The following NTM variants were observed in gnomAD, a reference collection of about 807,000 sequenced individuals.
NTM encodes the protein IgLON family member 2.
Under a neutral mutation model 42.1 loss-of-function variants are expected in NTM, and 13 were observed. The observed-to-expected ratio is 0.31, with a 90% CI of 0.20 to 0.49. The LOEUF is 0.49. Ranked by LOEUF, NTM falls within the 20% of genes least tolerant of loss-of-function variation. NTM has a pLI of 0.99. For synonymous variants in NTM, 187 were observed against 179.2 expected, an observed-to-expected ratio of 1.04 and a Z score of -0.35; for missense variants, 373 against 452.8, an observed-to-expected ratio of 0.82 and a Z score of 1.60.
chr11:131,682,528 C>A (rs1041239351), intron 1 of NTM, among the ~76,000 whole-genome samples: 17 of 152,344 alleles, frequency 1.1e-4, no homozygotes, highest in African/African-American at 3.8e-4. Context: ...CTCTCCTCTG[C>A]CAGCCTGCTC....
intron 1 of NTM, among the ~76,000 whole-genome samples, chr11:131,421,324 GGC>G (rs1357223412): frequency 6.6e-6 from 1 of 152,188 alleles, no homozygotes; most frequent in African/African-American, 2.4e-5. Flanking sequence ...AGAGGACAGA[GGC>G]ATCTAAGAAG....
chr11:132,220,538 T>G (rs2084935160), intron 4 of NTM, among the ~76,000 whole-genome samples: 3 of 152,228 alleles, frequency 2.0e-5, no homozygotes, highest in Non-Finnish European at 4.4e-5. Context: ...GAGTTCAATG[T>G]GCTGAATTGA....
chr11:131,856,898 T>C (rs1482975015), intron 1 of NTM, among the ~76,000 whole-genome samples: 1 of 152,166 alleles, frequency 6.6e-6, no homozygotes, highest in Non-Finnish European at 1.5e-5. Flanking sequence ...GGATCACACA[T>C]CTAAGCAATG....
At chr11:131,561,138 T>C (rs918849924) in intron 1 of NTM, among the ~76,000 whole-genome samples, 2 of 152,106 alleles carry the variant, frequency 1.3e-5, no homozygotes, top group African/African-American at 4.8e-5. Flanking sequence ...AATGGGTTAT[T>C]TCGGTGGCAG....
intron 1 of NTM, among the ~76,000 whole-genome samples, chr11:131,684,935 C>A (rs901660882): frequency 6.6e-6 from 1 of 152,222 alleles, no homozygotes; most frequent in South Asian, 2.1e-4. Flanking sequence ...TGAGCCCCCA[C>A]TAGGGTGAAC....
intron 4 of NTM, among the ~76,000 whole-genome samples, chr11:132,303,153 A>T (rs2094928745): frequency 6.6e-6 from 1 of 152,248 alleles, no homozygotes; most frequent in East Asian, 1.9e-4. Flanking sequence ...AGCCAGAGGC[A>T]CCAAGAGTTA....
intron 2 of NTM, among the ~76,000 whole-genome samples, chr11:131,973,345 C>T (rs890025204): frequency 1.3e-5 from 2 of 152,212 alleles, no homozygotes; most frequent in African/African-American, 4.8e-5. Flanking sequence ...TGTGAGGCCT[C>T]TCACTTAGCT....
chr11:132,321,019 C>T (rs7950606), intron 7 of NTM, among the ~76,000 whole-genome samples: 1,970 of 147,666 alleles, frequency 0.013, 63 homozygotes, highest in African/African-American at 0.049. Flanking sequence ...ACCAAAAACC[C>T]ATCTGTACAT....
chr11:132,210,591 C>T (rs2082676800), intron 3 of NTM, among the ~76,000 whole-genome samples: 1 of 152,150 alleles, frequency 6.6e-6, no homozygotes, highest in Admixed American at 6.5e-5. Flanking sequence ...TTACTCCATC[C>T]ACTTGAATGT....
At chr11:131,491,119 CA>C (rs1482047440) in intron 1 of NTM, among the ~76,000 whole-genome samples, 1 of 149,658 alleles carries the variant, frequency 6.7e-6, no homozygotes, top group African/African-American at 2.4e-5. Flanking sequence ...GAAAGAAACT[CA>C]AAGTTTTTCA....
At chr11:131,911,457 T>G (rs1315176308) in intron 1 of NTM, 107 bp from the exon 2 acceptor site, 1 of 1,613,214 alleles carries the variant, frequency 6.2e-7, no homozygotes, top group Middle Eastern at 1.7e-4. Flanking sequence ...GCTGCCGGAG[T>G]TCGGGGAAGT....
At chr11:131,751,891 T>C in intron 1 of NTM, among the ~76,000 whole-genome samples, 1 of 152,100 alleles carries the variant, frequency 6.6e-6, no homozygotes, top group South Asian at 2.1e-4. Flanking sequence ...ATCTGTGACT[T>C]ATATCTGTGA....
intron 1 of NTM, among the ~76,000 whole-genome samples, chr11:131,612,656 G>A (rs1246992048): frequency 6.6e-6 from 1 of 152,222 alleles, no homozygotes; most frequent in Non-Finnish European, 1.5e-5. Flanking sequence ...ACTTTACATT[G>A]TTACCTCACA....
chr11:131,677,895 T>A (rs893227507), intron 1 of NTM, among the ~76,000 whole-genome samples: 3 of 152,178 alleles, frequency 2.0e-5, no homozygotes, highest in Non-Finnish European at 2.9e-5. Flanking sequence ...ACACAGCTGG[T>A]CAGCAAGCCC....
intron 1 of NTM, among the ~76,000 whole-genome samples, chr11:131,860,858 G>C (rs2046561950): frequency 6.6e-6 from 1 of 152,126 alleles, no homozygotes; most frequent in South Asian, 2.1e-4. Context: ...TCTCTTGCTG[G>C]CTACATACTT....
At chr11:132,150,017 C>T (rs1365011436) in intron 3 of NTM, among the ~76,000 whole-genome samples, 2 of 152,176 alleles carry the variant, frequency 1.3e-5, no homozygotes, top group Non-Finnish European at 2.9e-5. Flanking sequence ...GTAATTCACA[C>T]ACATAAAAAA....
At chr11:131,551,956 G>A (rs1285989634) in intron 1 of NTM, among the ~76,000 whole-genome samples, 1 of 152,148 alleles carries the variant, frequency 6.6e-6, no homozygotes, top group Non-Finnish European at 1.5e-5. Context: ...TCCACAGTTG[G>A]TAAGGTCCCT....
chr11:131,789,415 G>GA (rs1177473007), intron 1 of NTM, among the ~76,000 whole-genome samples: 3 of 52,938 alleles, frequency 5.7e-5, no homozygotes, highest in African/African-American at 3.0e-4. Flanking sequence ...GCAGTTAAAA[G>GA]AAAAAAAGAA....
At chr11:131,489,116 C>T (rs1954497014) in intron 1 of NTM, among the ~76,000 whole-genome samples, 1 of 152,216 alleles carries the variant, frequency 6.6e-6, no homozygotes, top group South Asian at 2.1e-4. Flanking sequence ...CCAGCTCTCC[C>T]CTTGGTTCCA....
Sources: allele counts gnomAD v4.1 joint callset (sites outside exome capture counted in the v4.1 genomes callset), GRCh38; gene constraint gnomAD v4.1.1; transcripts MANE v1.5; gene names NCBI Gene and HGNC (gene_info 2026-07-23, HGNC 2026-07-21).